Variants in HACE1 observed in about 807,000 individuals in gnomAD.
HACE1 encodes the protein HECT domain and ankyrin repeat containing E3 ubiquitin protein ligase 1, also known as E3 ubiquitin-protein ligase HACE1.
In HACE1, 73 loss-of-function variants were observed where a neutral mutation model predicts 118.4. That is an observed-to-expected ratio of 0.62 (90% CI 0.51 to 0.75). The LOEUF is 0.75. Among genes scored for constraint, HACE1 ranks in the 30% least tolerant of loss-of-function variants. HACE1 has a pLI of 0.00. For synonymous variants in HACE1, 368 were observed against 374.8 expected, an observed-to-expected ratio of 0.98 and a Z score of 0.21; for missense variants, 749 against 1,102.2, an observed-to-expected ratio of 0.68 and a Z score of 4.54.
chr6:104,744,073 T>A, intron 22 of HACE1, 87 bp downstream of exon 22: 1 of 822,018 alleles, frequency 1.2e-6, no homozygotes, highest in Non-Finnish European at 2.1e-6. Context: ...CAATTCAGAG[T>A]AATAATTCCT....
At chr6:104,784,944 C>G in intron 12 of HACE1, 41 bp downstream of exon 12, 2 of 1,215,300 alleles carry the variant, frequency 1.6e-6, no homozygotes, top group Non-Finnish European at 2.4e-6. Context: ...TTTTCATCAT[C>G]TATCAGAGAA....
intron 19 of HACE1, among the ~76,000 whole-genome samples, chr6:104,769,030 A>G (rs1221510213): frequency 6.6e-6 from 1 of 151,970 alleles, no homozygotes; most frequent in East Asian, 1.9e-4. Context: ...TATACCTCAT[A>G]CACATTTTTT....
At chr6:104,830,758 C>CTTT (rs3035081) in intron 6 of HACE1, among the ~76,000 whole-genome samples, 21,666 of 132,788 alleles carry the variant, frequency 0.16, 2,102 homozygotes, top group Middle Eastern at 0.23. Flanking sequence ...AAATTACATT[C>CTTT]TTTTTTTTTT....
rs980795077 is a variant in HACE1, at chr6:104,849,240, T to C, written c.228A>G (p.Gly76=). The change falls in exon 4 of 24, where the codon GGA becomes GGG. Residue 76 remains glycine (G), a synonymous_variant. Transcript: ENST00000262903. ...ACAGCAAAACCAAGCATTCCACCGA[T>C]CCACAACTAAAACAATATTAAAAGA... ...RSLLHIAANC[G]SVECLVLLLK... The C allele has an allele frequency of 5.1e-6, 8 of 1,576,472 alleles. No homozygotes were observed. The Admixed American group carries it at 6.7e-5, about 13-fold the overall frequency.
intron 5 of HACE1, among the ~76,000 whole-genome samples, chr6:104,838,587 A>G (rs1235384343): frequency 1.3e-5 from 2 of 152,142 alleles, no homozygotes; most frequent in African/African-American, 4.8e-5. Context: ...TAAATCTAAG[A>G]CATGAAACTA....
In HACE1 at chr6:104,838,665, C is replaced by G. The variant is rs372745184; in HGVS notation, c.402+4558G>C. On this transcript the variant is annotated intron_variant, in intron 5 of 23. Coordinates refer to ENST00000262903, the MANE Select transcript of HACE1 (RefSeq NM_020771.4). ...GGCAAAGCTTTCTTGAGTAATACCC[C>G]TTGAGCAAATTTCTTGAGTAAATTT... is the stretch of plus-strand genomic sequence containing the variant. Among the ~76,000 whole-genome samples, 5 of 152,040 alleles carry G rather than the reference C, an allele frequency of 3.3e-5. No individual in the cohort carries two copies. The South Asian group carries it at 1.0e-3, about 32-fold the overall frequency.
chr6:104,741,055 A>C (rs1776618039), intron 22 of HACE1, among the ~76,000 whole-genome samples: 1 of 128,944 alleles, frequency 7.8e-6, no homozygotes, highest in Admixed American at 7.9e-5. Context: ...ACCAAAGACA[A>C]AAACCACATG....
intron 6 of HACE1, among the ~76,000 whole-genome samples, chr6:104,817,326 T>C (rs1173623777): frequency 6.6e-6 from 1 of 152,176 alleles, no homozygotes; most frequent in Non-Finnish European, 1.5e-5. Flanking sequence ...TCTCCCTTGC[T>C]GCTCTTGTGA....
At chr6:104,755,456 C>T in intron 19 of HACE1, among the ~76,000 whole-genome samples, 1 of 152,158 alleles carries the variant, frequency 6.6e-6, no homozygotes, top group East Asian at 1.9e-4. Flanking sequence ...GAACTTCCCA[C>T]CGAAATTCAA....
At chr6:104,781,618 A>T (rs1483733184) in intron 14 of HACE1, among the ~76,000 whole-genome samples, 1 of 152,120 alleles carries the variant, frequency 6.6e-6, no homozygotes, top group African/African-American at 2.4e-5. Context: ...TGCTTATTTG[A>T]TCAACCTGCA....
intron 5 of HACE1, among the ~76,000 whole-genome samples, chr6:104,837,011 G>A (rs1267829298): frequency 1.3e-5 from 2 of 152,180 alleles, no homozygotes; most frequent in Non-Finnish European, 2.9e-5. Flanking sequence ...AAGTAAGTGT[G>A]GAGATATACT....
At chr6:104,771,658 C>T (rs936998418) in intron 18 of HACE1, among the ~76,000 whole-genome samples, 2 of 145,698 alleles carry the variant, frequency 1.4e-5, no homozygotes, top group African/African-American at 5.1e-5. Context: ...CTTAAGTATA[C>T]TCACACTGAA....
intron 7 of HACE1, among the ~76,000 whole-genome samples, chr6:104,799,071 CT>C (rs1770009443): frequency 6.6e-6 from 1 of 152,190 alleles, no homozygotes; most frequent in African/African-American, 2.4e-5. Flanking sequence ...CAACGCTGCA[CT>C]CTAGAAAATA....
At chr6:104,833,846 G>A (rs544683876) in intron 5 of HACE1, among the ~76,000 whole-genome samples, 12 of 152,152 alleles carry the variant, frequency 7.9e-5, no homozygotes, top group East Asian at 5.8e-4. Context: ...TTAGCTGGAC[G>A]TGGTGGTGCG....
chr6:104,737,369 C>G (rs927115433), intron 22 of HACE1, among the ~76,000 whole-genome samples: 6 of 151,290 alleles, frequency 4.0e-5, no homozygotes, highest in Admixed American at 1.3e-4. Context: ...CAGCTCCCAG[C>G]GTGAGCCACG....
At chr6:104,833,266 T>C (rs745485507) in intron 5 of HACE1, 93 bp from the exon 6 acceptor site, 12 of 1,132,780 alleles carry the variant, frequency 1.1e-5, no homozygotes, top group African/African-American at 1.5e-5. Context: ...GGGCGTGATT[T>C]GCACATGCAA....
chr6:104,753,927 G>A (rs932144802), intron 19 of HACE1, among the ~76,000 whole-genome samples: 13 of 152,154 alleles, frequency 8.5e-5, no homozygotes, highest in Admixed American at 3.3e-4. Flanking sequence ...GACAGAAATA[G>A]TCTTCAGAAG....
intron 7 of HACE1, among the ~76,000 whole-genome samples, chr6:104,800,928 G>C (rs902094956): frequency 1.3e-4 from 20 of 152,132 alleles, no homozygotes; most frequent in African/African-American, 4.8e-4. Context: ...CGAGCTAAAG[G>C]AGGATGTTCT....
At chr6:104,796,264 C>T (rs1249816467) in intron 9 of HACE1, among the ~76,000 whole-genome samples, 1 of 152,048 alleles carries the variant, frequency 6.6e-6, no homozygotes, top group East Asian at 1.9e-4. Flanking sequence ...ATGCATGCCA[C>T]TACACTTAGC....
Sources: gnomAD v4.1 joint callset for allele counts (sites outside exome capture counted in the v4.1 genomes callset) on GRCh38, gnomAD v4.1.1 for gene constraint, MANE v1.5 for transcripts, NCBI Gene and HGNC (gene_info 2026-07-23, HGNC 2026-07-21) for gene names.